ADAMTS17: variants seen among roughly 807,000 people sequenced by gnomAD.
ADAMTS17 encodes the protein ADAM metallopeptidase with thrombospondin type 1 motif 17, also known as A disintegrin and metalloproteinase with thrombospondin motifs 17.
ADAMTS17 carries 113 observed loss-of-function variants against 141.5 expected under a neutral mutation model. The observed-to-expected ratio is 0.80, with a 90% CI of 0.69 to 0.93. The LOEUF is 0.93. ADAMTS17 is among the 40% of genes least tolerant of loss of function. ADAMTS17 has a pLI of 0.00. For synonymous variants in ADAMTS17, 768 were observed against 630.6 expected (o/e 1.22, Z -3.27); for missense variants, 1,659 against 1,517.9 (o/e 1.09, Z -1.54).
chr15:100,227,500 C>G (rs377525131), intron 7 of ADAMTS17, among the ~76,000 whole-genome samples: 176 of 152,330 alleles, frequency 1.2e-3, no homozygotes, highest in African/African-American at 4.0e-3. Flanking sequence ...TAATCAGAGA[C>G]GAGACACCAT....
intron 18 of ADAMTS17, among the ~76,000 whole-genome samples, chr15:100,027,089 C>T (rs1172967812): frequency 2.0e-5 from 3 of 152,090 alleles, no homozygotes; most frequent in African/African-American, 7.2e-5. Context: ...GAACAACAGT[C>T]GGGAGGTGCA....
intron 9 of ADAMTS17, among the ~76,000 whole-genome samples, chr15:100,154,769 C>A (rs1161859282): frequency 6.6e-6 from 1 of 152,152 alleles, no homozygotes; most frequent in Non-Finnish European, 1.5e-5. Context: ...GCAAACCCAC[C>A]CCTCATCCCC....
At chr15:100,210,897 C>T (rs947523617) in intron 7 of ADAMTS17, among the ~76,000 whole-genome samples, 12 of 151,942 alleles carry the variant, frequency 7.9e-5, no homozygotes, top group African/African-American at 2.7e-4. Context: ...GTCAGGAGAT[C>T]GAGACCATCC....
At chr15:100,197,194 C>T (rs181160602) in intron 8 of ADAMTS17, among the ~76,000 whole-genome samples, 56 of 152,218 alleles carry the variant, frequency 3.7e-4, no homozygotes, top group African/African-American at 8.9e-4. Context: ...GACCTCCATG[C>T]GGCATGTGTG....
rs73472457 is a variant in ADAMTS17 at position 100,036,929 on chromosome 15, C to T, written c.2591+11928G>A. On this transcript the variant is annotated intron_variant, in intron 18 of 21. Coordinates refer to ENST00000268070, the MANE Select transcript of ADAMTS17 (RefSeq NM_139057.4). ...TCCTTTTTATGGCTGAATAATATTGCGCTGCCTGAATCTACTGCATTTTGT... is the reference window on the plus strand; with the variant it reads ...TCCTTTTTATGGCTGAATAATATTGTGCTGCCTGAATCTACTGCATTTTGT... Among the ~76,000 whole-genome samples the T allele has an allele frequency of 6.2e-3, 946 of 152,230 alleles. 12 individuals carry two copies. The highest frequency in any genetic ancestry group is 0.021 in the African/African-American group (881 of 41,552).
At chr15:100,057,042 T>C (rs945924119) in intron 15 of ADAMTS17, among the ~76,000 whole-genome samples, 2 of 151,792 alleles carry the variant, frequency 1.3e-5, no homozygotes, top group Non-Finnish European at 2.9e-5. Flanking sequence ...TGTGGCTCAG[T>C]GGTGTGTGGC....
chr15:100,275,571 G>A lies in ADAMTS17; in HGVS notation c.789+5658C>T, dbSNP rs541201337. Among the ~76,000 whole-genome samples the A allele has an allele frequency of 1.2e-3, 189 of 152,284 alleles. 1 individual carries two copies. The highest frequency in any genetic ancestry group is 4.3e-3 in the African/African-American group (180 of 41,570). On this transcript the variant is annotated intron_variant, in intron 4 of 21. Transcript: ENST00000268070. ...CCTGTCACCTTCAACAAGGTGACAT[G>A]GGGTCCCTCAGTCCCGGACTGGAGT...
chr15:100,330,218 T>C (rs1438377902), intron 3 of ADAMTS17, among the ~76,000 whole-genome samples: 2 of 152,200 alleles, frequency 1.3e-5, no homozygotes, highest in Admixed American at 1.3e-4. Context: ...TTAAAAACCC[T>C]GGCACCCAAA....
Position 99,977,349 on chromosome 15 carries a change from CATATATATATATATATATATATATAT to C in ADAMTS17, c.2950-1153_2950-1128del, listed in dbSNP as rs71151927. Among the ~76,000 whole-genome samples, 52 of 30,330 alleles carry C rather than the reference CATATATATATATATATATATATATAT, an allele frequency of 1.7e-3. 1 individual carries two copies. Among genetic ancestry groups the C allele is most frequent in the South Asian group, 2.3e-3 (1 of 434 alleles). 19.9% of individuals were successfully genotyped at this position (30,330 alleles called of 152,430 possible). Reference sequence around the variant, plus strand: ...GGTTCTGTTCTCCGTCCCTCCTCTTCATATATATATATATATATATATATATATATATATATATATATATATATATA... The same window carrying C: ...GGTTCTGTTCTCCGTCCCTCCTCTTCATATATATATATATATATATATATA... On this transcript the variant is annotated intron_variant, in intron 20 of 21. Coordinates refer to ENST00000268070, the MANE Select transcript of ADAMTS17 (RefSeq NM_139057.4).
chr15:100,058,304 ACAC>A (rs2032803803), intron 15 of ADAMTS17, among the ~76,000 whole-genome samples: 3 of 51,900 alleles, frequency 5.8e-5, no homozygotes, highest in East Asian at 3.2e-4. Flanking sequence ...CCCGGCTCTA[ACAC>A]CCCTATCCCG....
intron 15 of ADAMTS17, among the ~76,000 whole-genome samples, chr15:100,070,530 A>G (rs1319604894): frequency 6.7e-6 from 1 of 150,314 alleles, no homozygotes. Context: ...AATAGAAATT[A>G]TAACAAACTG....
chr15:100,304,817 T>G (rs1419126819), intron 3 of ADAMTS17, among the ~76,000 whole-genome samples: 3 of 152,210 alleles, frequency 2.0e-5, no homozygotes, highest in Admixed American at 1.3e-4. Context: ...GATTTTCACC[T>G]CTGCCACCCA....
At position 100,216,428 on chromosome 15, in the gene ADAMTS17, A is replaced by G. The variant is rs907076810; in HGVS notation, c.1076-17005T>C. Among the ~76,000 whole-genome samples the G allele has an allele frequency of 3.3e-5, 5 of 152,206 alleles. 1 individual carries two copies. The highest frequency in any genetic ancestry group is 1.2e-4 in the African/African-American group (5 of 41,448). ...CAACATGACATTTGGAAAGCTGAAG[A>G]ACAGCAAAGAGCTGGGGACTGGGAA... On this transcript the variant is annotated intron_variant, in intron 7 of 21. Coordinates refer to ENST00000268070, the MANE Select transcript of ADAMTS17 (RefSeq NM_139057.4).
rs769142333 is a variant in ADAMTS17, at chr15:100,132,132, G to A, written c.1596C>T (p.Cys532=). ...GADKWCRAGE[C]VSKTPIPEHV... ...GCTCCGGGATGGGCGTCTTGCTCACGCACTCCCCCGCGCGGCACCACTGAA... is the reference window on the plus strand; with the variant it reads ...GCTCCGGGATGGGCGTCTTGCTCACACACTCCCCCGCGCGGCACCACTGAA... Residue 532 remains cysteine (C), a synonymous_variant, in exon 12 of 22, where the codon TGC becomes TGT. Transcript: ENST00000268070. The A allele has an allele frequency of 2.6e-5, 42 of 1,613,804 alleles. No individual in the cohort carries two copies. Among genetic ancestry groups the A allele is most frequent in the South Asian group, 1.8e-4 (16 of 91,022 alleles).
chr15:100,165,529 G>A lies in ADAMTS17; in HGVS notation c.1182-10209C>T, dbSNP rs551269112. 2.2e-4 allele frequency among the ~76,000 whole-genome samples: 34 copies of A among 152,312 alleles called. No homozygotes were observed. In the South Asian group the frequency reaches 6.8e-3, roughly 31 times the overall value. Reference sequence around the variant, plus strand: ...CTTCCCACAATGTCCTCACTGCTTAGAGCATCCAAAAATGCATCTAGAGCC... The same window carrying A: ...CTTCCCACAATGTCCTCACTGCTTAAAGCATCCAAAAATGCATCTAGAGCC... On this transcript the variant is annotated intron_variant, in intron 8 of 21. Coordinates refer to ENST00000268070, the MANE Select transcript of ADAMTS17 (RefSeq NM_139057.4).
intron 7 of ADAMTS17, among the ~76,000 whole-genome samples, chr15:100,205,838 G>A (rs1180017204): frequency 6.6e-6 from 1 of 152,254 alleles, no homozygotes; most frequent in East Asian, 1.9e-4. Context: ...GAGCAGGGAT[G>A]TTCCAAGCCA....
chr15:100,128,067 T>C (rs2141215346), intron 12 of ADAMTS17, among the ~76,000 whole-genome samples: 1 of 152,244 alleles, frequency 6.6e-6, no homozygotes, highest in East Asian at 1.9e-4. Flanking sequence ...AAGAGGAAAC[T>C]GCATGGACTC....
chr15:100,051,429 A>C, intron 17 of ADAMTS17, 143 bp downstream of exon 17: 4 of 1,223,390 alleles, frequency 3.3e-6, no homozygotes, highest in Admixed American at 1.7e-5. Flanking sequence ...TATTCTGCAG[A>C]GAGATTTTCG....
intron 8 of ADAMTS17, among the ~76,000 whole-genome samples, chr15:100,161,596 G>C (rs1301862005): frequency 2.6e-5 from 4 of 152,150 alleles, no homozygotes; most frequent in Non-Finnish European, 5.9e-5. Context: ...AAGAAATAGT[G>C]GGCAGATGTG....
Sources: allele counts gnomAD v4.1 joint callset (sites outside exome capture counted in the v4.1 genomes callset), GRCh38; gene constraint gnomAD v4.1.1; transcripts MANE v1.5; gene names NCBI Gene and HGNC (gene_info 2026-07-23, HGNC 2026-07-21).